The following DAB2IP variants were observed in gnomAD, a reference collection of about 807,000 sequenced individuals.
The protein encoded by DAB2IP is DAB2 interacting protein, also known as disabled homolog 2-interacting protein.
A neutral mutation model predicts 107.2 loss-of-function variants in DAB2IP; 28 were observed. That is an observed-to-expected ratio of 0.26 (90% CI 0.19 to 0.36). The LOEUF (loss-of-function observed/expected upper bound fraction) is 0.36, where lower values mean the gene tolerates loss of function less well. Among genes scored for constraint, DAB2IP ranks in the 10% least tolerant of loss-of-function variants. The probability of loss-of-function intolerance (pLI) is 1.00; values close to 1 mark genes in which losing one functional copy is unlikely to be tolerated. For synonymous variants in DAB2IP, 755 were observed against 706.4 expected (o/e 1.07, Z -1.09); for missense variants, 1,400 against 1,644.7 (o/e 0.85, Z 2.57).
chr9:121,710,850 A>G (rs566752565), intron 3 of DAB2IP, among the ~76,000 whole-genome samples: 14 of 152,176 alleles, frequency 9.2e-5, no homozygotes, highest in Non-Finnish European at 1.5e-4. Context: ...GGAGTTGCCT[A>G]TTGTGCTGCA....
At chr9:121,770,173 T>C (rs868365463) in intron 10 of DAB2IP, among the ~76,000 whole-genome samples, 1 of 152,102 alleles carries the variant, frequency 6.6e-6, no homozygotes, top group South Asian at 2.1e-4. Flanking sequence ...GTAAGTGATG[T>C]GAGAGGGGCT....
chr9:121,609,167 A>G (rs187394522), intron 1 of DAB2IP, among the ~76,000 whole-genome samples: 19 of 150,138 alleles, frequency 1.3e-4, no homozygotes, highest in South Asian at 4.3e-4. Flanking sequence ...CTGGTCTTGA[A>G]CTCCCGACCT....
chr9:121,575,323 C>T (rs1439732255), intron 1 of DAB2IP: 1 of 153,998 alleles, frequency 6.5e-6, no homozygotes, highest in African/African-American at 2.4e-5. Context: ...CGCAGGGCTC[C>T]TCTCTTGTGA....
chr9:121,640,045 G>T (rs1476648295), intron 1 of DAB2IP, among the ~76,000 whole-genome samples: 1 of 152,210 alleles, frequency 6.6e-6, no homozygotes, highest in Non-Finnish European at 1.5e-5. Flanking sequence ...GGGAACAGGG[G>T]CCCAGAGGGC....
chr9:121,768,782 G>T (rs1462849457), intron 10 of DAB2IP, 149 bp downstream of exon 10: 11 of 1,003,686 alleles, frequency 1.1e-5, no homozygotes, highest in Non-Finnish European at 1.4e-5. Flanking sequence ...GGATCTGTGG[G>T]CCCCATTTTC....
chr9:121,695,861 G>A (rs1024439323), intron 2 of DAB2IP, among the ~76,000 whole-genome samples: 1 of 152,048 alleles, frequency 6.6e-6, no homozygotes, highest in Non-Finnish European at 1.5e-5. Context: ...TCAGTTTTTC[G>A]TTTTTGTTTT....
At chr9:121,598,197 G>C (rs1282027222) in intron 1 of DAB2IP, 3 of 152,356 alleles carry the variant, frequency 2.0e-5, no homozygotes, top group African/African-American at 7.2e-5. Context: ...GCAGGAATGC[G>C]AAGGATCAGC....
intron 10 of DAB2IP, among the ~76,000 whole-genome samples, chr9:121,769,572 A>T (rs1025298776): frequency 2.6e-5 from 4 of 152,154 alleles, no homozygotes; most frequent in African/African-American, 9.7e-5. Context: ...ATTGATGGAC[A>T]CTTAGGTTAG....
chr9:121,768,280 C>A, intron 9 of DAB2IP, 152 bp from the exon 10 acceptor site: 1 of 785,996 alleles, frequency 1.3e-6, no homozygotes, highest in Non-Finnish European at 2.2e-6. Flanking sequence ...GCCCTGGTGA[C>A]CTGGGTCAGA....
chr9:121,627,768 A>C (rs1161844464), intron 1 of DAB2IP, among the ~76,000 whole-genome samples: 1 of 152,234 alleles, frequency 6.6e-6, no homozygotes, highest in Admixed American at 6.5e-5. Context: ...TATCCATAGA[A>C]TAATATGATT....
chr9:121,629,545 A>T (rs988053290), intron 1 of DAB2IP, among the ~76,000 whole-genome samples: 4 of 152,180 alleles, frequency 2.6e-5, no homozygotes, highest in Non-Finnish European at 4.4e-5. Flanking sequence ...AGTCCTCCTC[A>T]TCCATTTATT....
chr9:121,668,187 CTGT>C (rs1833527011), intron 1 of DAB2IP, among the ~76,000 whole-genome samples: 1 of 135,494 alleles, frequency 7.4e-6, no homozygotes, highest in South Asian at 2.7e-4. Context: ...ACCATTTGAG[CTGT>C]TGTTGATTTT....
In DAB2IP at chr9:121,776,366, A is replaced by G; in HGVS notation, c.3289A>G (p.Ile1097Val). ...GCGGCGGCAGCAGGAGGACAAGGAC[A>G]TCCAGATGAAGGGCATCATCAGCAG... The change falls in exon 14 of 16, where the codon ATC becomes GTC. Residue 1097 changes from isoleucine (I) to valine (V), a missense_variant. Around this residue, in one of 3 missense-constraint regions of DAB2IP, gnomAD observed 600 missense variants for 659.1 expected, o/e 0.91. Coordinates refer to ENST00000408936, the Ensembl canonical transcript of DAB2IP. The surrounding 1 kb of genome is among the most constrained non-coding windows in gnomAD (Gnocchi z 5.4). 1 of 1,548,418 alleles carries G rather than the reference A, an allele frequency of 6.5e-7. No individual in the cohort carries two copies.
rs528670004 is a variant in DAB2IP at position 121,613,680 on chromosome 9, G to C, written c.40+46452G>C. 9.2e-5 allele frequency among the ~76,000 whole-genome samples: 14 copies of C among 152,228 alleles called. No homozygotes were observed. In the East Asian group the frequency reaches 2.3e-3, roughly 25 times the overall value. ...TGGCCACATGTGGTTTTTGGTGTTT[G>C]GGCAACTTCTCGCAAACTCGCGGAG... On this transcript the variant is annotated intron_variant, in intron 1 of 16. Transcript: ENST00000259371.
At chr9:121,729,311 T>C (rs761846243) in intron 3 of DAB2IP, among the ~76,000 whole-genome samples, 12 of 152,222 alleles carry the variant, frequency 7.9e-5, no homozygotes, top group Non-Finnish European at 1.6e-4. Context: ...CCTTTATCTC[T>C]AAGCCTTCTC....
intron 1 of DAB2IP, among the ~76,000 whole-genome samples, chr9:121,677,693 A>C (rs1390820445): frequency 6.6e-6 from 1 of 151,668 alleles, no homozygotes; most frequent in Non-Finnish European, 1.5e-5. Context: ...ACAGAGTCTC[A>C]CTCTGCTGCC....
intron 7 of DAB2IP, 31 bp downstream of exon 7, chr9:121,763,680 G>A (rs1834059182): frequency 1.9e-6 from 3 of 1,612,166 alleles, no homozygotes; most frequent in Non-Finnish European, 2.5e-6. Flanking sequence ...AGGGCAGAGG[G>A]TGGGGCAGGG....
intron 1 of DAB2IP, among the ~76,000 whole-genome samples, chr9:121,641,973 T>TC (rs1491185146): frequency 6.8e-5 from 8 of 117,366 alleles, no homozygotes; most frequent in African/African-American, 2.4e-4. Flanking sequence ...TCTCTCTCTC[T>TC]TTCTTTCTTT....
Position 121,702,101 on chromosome 9 carries a change from T to G in DAB2IP, c.362+2643T>G, listed in dbSNP as rs575302334. Among the ~76,000 whole-genome samples, 9 of 152,268 alleles carry G rather than the reference T, an allele frequency of 5.9e-5. No individual in the cohort carries two copies. The highest frequency in any genetic ancestry group is 2.6e-4 in the Admixed American group (4 of 15,292). ...CACAGGGCACTCTGGGGCGGCCACT[T>G]GAGTTCTGACTTTGGATGAATCTAT... On this transcript the variant is annotated intron_variant, in intron 3 of 15. Coordinates refer to ENST00000408936, the Ensembl canonical transcript of DAB2IP. The surrounding 1 kb of genome is among the most constrained non-coding windows in gnomAD (Gnocchi z 4.5).
Sources: gnomAD v4.1 joint callset for allele counts (sites outside exome capture counted in the v4.1 genomes callset) on GRCh38, gnomAD v4.1.1 for gene constraint, gnomAD v4.1.1 regional missense constraint, Gnocchi (gnomAD v3.1) non-coding constraint, MANE v1.5 for transcripts, NCBI Gene and HGNC (gene_info 2026-07-23, HGNC 2026-07-21) for gene names.